Variants in PAN3 observed in about 807,000 individuals in gnomAD.
PAN3 encodes poly(A) specific ribonuclease subunit PAN3.
In PAN3, 19 loss-of-function variants were observed where a neutral mutation model predicts 96.2. The ratio of observed to expected loss-of-function variants is 0.20; its 90% CI spans 0.14 to 0.29. PAN3 has a LOEUF of 0.29. Ranked by LOEUF, PAN3 falls within the 10% of genes least tolerant of loss-of-function variation. The pLI is 1.00. For missense variants in PAN3, 882 were observed against 1,108.1 expected (o/e 0.80, Z 2.90); for synonymous variants, 433 against 406.6 (o/e 1.06, Z -0.78).
intron 1 of PAN3, among the ~76,000 whole-genome samples, chr13:28,150,792 G>C (rs1871273264): frequency 6.6e-6 from 1 of 152,158 alleles, no homozygotes; most frequent in South Asian, 2.1e-4. Flanking sequence ...TGTTTACTCT[G>C]TTAGGTACTG....
chr13:28,292,248 T>C, intron 18 of PAN3, 134 bp from the exon 19 acceptor site: 1 of 872,194 alleles, frequency 1.1e-6, no homozygotes, highest in Non-Finnish European at 1.7e-6. Context: ...ATGAATGATA[T>C]AAATGTACTC....
At chr13:28,206,735 T>TG (rs918518872) in intron 5 of PAN3, among the ~76,000 whole-genome samples, 4 of 146,958 alleles carry the variant, frequency 2.7e-5, no homozygotes, top group African/African-American at 8.0e-5. Flanking sequence ...TTGTTATTAG[T>TG]GGGTTTTTTT....
intron 1 of PAN3, among the ~76,000 whole-genome samples, chr13:28,148,550 A>G (rs1452030260): frequency 4.6e-5 from 7 of 152,258 alleles, no homozygotes; most frequent in Admixed American, 3.3e-4. Flanking sequence ...AAAAATTTAA[A>G]TAGTGCAAAA....
intron 9 of PAN3, among the ~76,000 whole-genome samples, chr13:28,265,051 G>A (rs1191773107): frequency 2.6e-5 from 4 of 152,144 alleles, no homozygotes; most frequent in Non-Finnish European, 5.9e-5. Flanking sequence ...ATATTTTGCT[G>A]ATTTGAAATT....
At chr13:28,204,619 C>CACTTGAAT (rs2138279479) in intron 5 of PAN3, among the ~76,000 whole-genome samples, 1 of 152,148 alleles carries the variant, frequency 6.6e-6, no homozygotes, top group East Asian at 1.9e-4. Context: ...AATGCTAACT[C>CACTTGAAT]ACTTGAATAT....
At chr13:28,242,299 G>A (rs996176607) in intron 6 of PAN3, among the ~76,000 whole-genome samples, 1 of 152,128 alleles carries the variant, frequency 6.6e-6, no homozygotes. Context: ...GCAATTTGAT[G>A]ATGATAGCTA....
intron 1 of PAN3, among the ~76,000 whole-genome samples, chr13:28,171,691 C>T (rs1210739676): frequency 6.6e-6 from 1 of 152,178 alleles, no homozygotes; most frequent in African/African-American, 2.4e-5. Flanking sequence ...TGCCACCCTC[C>T]TGGCTCATAA....
chr13:28,198,591 A>G (rs911244333), intron 5 of PAN3, among the ~76,000 whole-genome samples: 2 of 152,246 alleles, frequency 1.3e-5, no homozygotes, highest in African/African-American at 4.8e-5. Context: ...AAAAATTTAT[A>G]TGCCATTTTA....
At chr13:28,212,171 C>G (rs976611602) in intron 5 of PAN3, among the ~76,000 whole-genome samples, 1 of 152,170 alleles carries the variant, frequency 6.6e-6, no homozygotes, top group Non-Finnish European at 1.5e-5. Context: ...CTATACATGG[C>G]CAGGAGTAGT....
At chr13:28,148,153 C>G (rs1870915881) in intron 1 of PAN3, among the ~76,000 whole-genome samples, 2 of 151,844 alleles carry the variant, frequency 1.3e-5, no homozygotes, top group African/African-American at 2.4e-5. Context: ...ATGGGGTCTC[C>G]CTGTGTTTCC....
At position 28,197,308 on chromosome 13, in the gene PAN3, A is replaced by G. The variant is rs1462060782; in HGVS notation, c.814A>G (p.Met272Val). Reference protein sequence around the residue: ...DRCKSGVPINMVWWNRVTENN... With the variant: ...DRCKSGVPINVVWWNRVTENN... Reference sequence around the variant, plus strand: ...GTGTAAATCAGGAGTACCCATCAATATGGTTTGGTGGAACAGAGTCACAGA... The same window carrying G: ...GTGTAAATCAGGAGTACCCATCAATGTGGTTTGGTGGAACAGAGTCACAGA... The change falls in exon 5 of 19, where the codon ATG becomes GTG. Residue 272 changes from methionine (M) to valine (V), a missense_variant. By Grantham distance (21) the Met-to-Val change is conservative. Transcript: ENST00000380958. 2 of 1,610,806 alleles carry G rather than the reference A, an allele frequency of 1.2e-6. No individual in the cohort carries two copies. The highest frequency in any genetic ancestry group is 1.7e-6 in the Non-Finnish European group (2 of 1,178,380).
At chr13:28,211,580 C>T (rs1343353745) in intron 5 of PAN3, among the ~76,000 whole-genome samples, 8 of 152,062 alleles carry the variant, frequency 5.3e-5, no homozygotes, top group African/African-American at 1.9e-4. Context: ...ATTTGTAGAT[C>T]GCCTCTCTCC....
intron 1 of PAN3, among the ~76,000 whole-genome samples, chr13:28,152,925 A>T (rs1424017880): frequency 1.3e-5 from 2 of 152,170 alleles, no homozygotes; most frequent in East Asian, 3.9e-4. Context: ...ATGGGGGGGA[A>T]AAGACACTCT....
At chr13:28,210,090 C>T (rs1409728319) in intron 5 of PAN3, among the ~76,000 whole-genome samples, 3 of 151,998 alleles carry the variant, frequency 2.0e-5, no homozygotes, top group Non-Finnish European at 2.9e-5. Context: ...CCTTATTTTT[C>T]GTTTTGATAA....
intron 5 of PAN3, chr13:28,215,364 A>G (rs1880607431): frequency 6.6e-6 from 5 of 752,054 alleles, no homozygotes; most frequent in Non-Finnish European, 1.2e-5. Flanking sequence ...TGCTCCAGTC[A>G]ACGTTACAAC....
At chr13:28,252,094 G>A (rs1884781335) in intron 6 of PAN3, among the ~76,000 whole-genome samples, 1 of 151,562 alleles carries the variant, frequency 6.6e-6, no homozygotes, top group South Asian at 2.1e-4. Context: ...TGCTGTGTTG[G>A]CCAGGCTGGT....
intron 6 of PAN3, among the ~76,000 whole-genome samples, chr13:28,225,629 G>T (rs1881914242): frequency 6.6e-6 from 1 of 152,100 alleles, no homozygotes; most frequent in Non-Finnish European, 1.5e-5. Flanking sequence ...ACTAACCAAG[G>T]CAGCCAGCCC....
chr13:28,230,918 G>C (rs1882487494), intron 6 of PAN3, among the ~76,000 whole-genome samples: 1 of 152,202 alleles, frequency 6.6e-6, no homozygotes, highest in African/African-American at 2.4e-5. Flanking sequence ...ATATTTAGTA[G>C]CTAACACCTT....
chr13:28,225,253 T>C (rs1287321549), intron 6 of PAN3, among the ~76,000 whole-genome samples: 4 of 152,228 alleles, frequency 2.6e-5, no homozygotes, highest in Non-Finnish European at 5.9e-5. Flanking sequence ...TTAATATTTG[T>C]CGTTCTTGTT....
Sources: gnomAD v4.1 joint callset for allele counts (sites outside exome capture counted in the v4.1 genomes callset) on GRCh38, gnomAD v4.1.1 for gene constraint, MANE v1.5 for transcripts, NCBI Gene and HGNC (gene_info 2026-07-23, HGNC 2026-07-21) for gene names.